SEC23IP: variants seen among roughly 807,000 people sequenced by gnomAD.
SEC23IP encodes the protein SEC23 interacting protein.
Under a neutral mutation model 113.4 loss-of-function variants are expected in SEC23IP, and 70 were observed. That is an observed-to-expected ratio of 0.62 (90% CI 0.51 to 0.75). SEC23IP has a LOEUF of 0.75. Among genes scored for constraint, SEC23IP ranks in the 30% least tolerant of loss-of-function variants. SEC23IP has a pLI of 0.00. For missense variants in SEC23IP, 1,160 were observed against 1,204.9 expected (o/e 0.96, Z 0.55); for synonymous variants, 398 against 421.0 (o/e 0.95, Z 0.67).
At chr10:119,919,412 T>C in intron 10 of SEC23IP, 32 bp from the exon 11 acceptor site, 3 of 1,574,338 alleles carry the variant, frequency 1.9e-6, no homozygotes, top group Non-Finnish European at 2.6e-6. Flanking sequence ...TTTTCTGAGC[T>C]TGTAATGTTT....
intron 15 of SEC23IP, among the ~76,000 whole-genome samples, chr10:119,930,980 CTT>C (rs1855578410): frequency 6.6e-6 from 1 of 152,202 alleles, no homozygotes; most frequent in Admixed American, 6.5e-5. Context: ...ATTACGCACT[CTT>C]ATGTGAAAGT....
At position 119,922,243 on chromosome 10, in the gene SEC23IP, A is replaced by G. The variant is rs566782669; in HGVS notation, c.2121+1259A>G. ...TGGTGCTTGAGCTTGAAGGAGGGGT[A>G]AGGTCAGGGGAGATGGCCTTCTGGA... On this transcript the variant is annotated intron_variant, in intron 12 of 18. Transcript: ENST00000369075. Among the ~76,000 whole-genome samples the G allele has an allele frequency of 3.0e-4, 46 of 152,164 alleles. 1 individual carries two copies. In the South Asian group the frequency reaches 8.9e-3, roughly 30 times the overall value.
At position 119,898,366 on chromosome 10, in the gene SEC23IP, A is replaced by AG; in HGVS notation, c.164-61_164-60insG. 3 of 1,490,698 alleles carry AG rather than the reference A, an allele frequency of 2.0e-6. No individual in the cohort carries two copies. The South Asian group carries it at 4.4e-5, about 22-fold the overall frequency. 92.3% of individuals were successfully genotyped at this position (1,490,698 alleles called of 1,614,324 possible). ...TATAATTGCTAGCCCTTCCTTATAG[A>AG]ATCGTATCTGCGGAGTGATAGAGTA... On this transcript the variant is annotated intron_variant, in intron 1 of 18. Transcript: ENST00000369075.
At chr10:119,905,944 C>G (rs1408948524) in intron 4 of SEC23IP, among the ~76,000 whole-genome samples, 4 of 151,984 alleles carry the variant, frequency 2.6e-5, no homozygotes, top group African/African-American at 9.7e-5. Flanking sequence ...TACCGGTAAA[C>G]TTTATGGAAC....
chr10:119,936,781 G>A (rs899686206), intron 18 of SEC23IP, among the ~76,000 whole-genome samples: 2 of 151,890 alleles, frequency 1.3e-5, no homozygotes, highest in Non-Finnish European at 2.9e-5. Flanking sequence ...CTCTTTGGGT[G>A]TATCTTAACT....
intron 12 of SEC23IP, among the ~76,000 whole-genome samples, chr10:119,923,002 T>TTA (rs1554916947): frequency 6.9e-6 from 1 of 145,348 alleles, no homozygotes; most frequent in Non-Finnish European, 1.5e-5. Context: ...CAAAAGCCTA[T>TTA]AAAAAAAAAA....
chr10:119,906,484 C>T (rs1009949831), intron 4 of SEC23IP, among the ~76,000 whole-genome samples: 6 of 149,014 alleles, frequency 4.0e-5, no homozygotes, highest in Non-Finnish European at 8.9e-5. Flanking sequence ...TCAAGGATAA[C>T]CAAGACCATT....
chr10:119,927,074 A>G lies in SEC23IP; in HGVS notation c.2313+847A>G, dbSNP rs1236461044. On this transcript the variant is annotated intron_variant, in intron 13 of 18. Transcript: ENST00000369075. ...ACCACCACACCTGGCTAATTTTTTC[A>G]TTTTTTGTAGAGACAGTCTTGCTGT... Among the ~76,000 whole-genome samples, 12 of 151,922 alleles carry G rather than the reference A, an allele frequency of 7.9e-5. No homozygotes were observed. In the East Asian group the frequency reaches 1.4e-3, roughly 17 times the overall value.
chr10:119,914,874 C>G, intron 7 of SEC23IP, 55 bp downstream of exon 7: 1 of 1,498,876 alleles, frequency 6.7e-7, no homozygotes. Flanking sequence ...AATAGAAGAG[C>G]TTTGGAGTAT....
intron 18 of SEC23IP, among the ~76,000 whole-genome samples, chr10:119,939,039 G>A (rs1189714419): frequency 6.6e-6 from 1 of 152,086 alleles, no homozygotes; most frequent in African/African-American, 2.4e-5. Context: ...GCCAGGTGTG[G>A]TGGCTTACAC....
At chr10:119,904,680 A>T (rs1319546788) in intron 4 of SEC23IP, 1 of 158,872 alleles carries the variant, frequency 6.3e-6, no homozygotes, top group African/African-American at 2.4e-5. Flanking sequence ...GAGTCTTATT[A>T]GCCATCTTAA....
At chr10:119,901,772 C>T (rs1489830823) in intron 2 of SEC23IP, among the ~76,000 whole-genome samples, 4 of 152,166 alleles carry the variant, frequency 2.6e-5, no homozygotes, top group South Asian at 2.1e-4. Context: ...CTGCAACCTC[C>T]GCCTCCCGGG....
At chr10:119,935,830 C>T (rs1413324190) in intron 18 of SEC23IP, among the ~76,000 whole-genome samples, 1 of 152,152 alleles carries the variant, frequency 6.6e-6, no homozygotes, top group Non-Finnish European at 1.5e-5. Flanking sequence ...ACCCCCTTCA[C>T]GGGTAAAGTA....
At chr10:119,912,909 G>A (rs1854915184) in intron 6 of SEC23IP, among the ~76,000 whole-genome samples, 1 of 152,100 alleles carries the variant, frequency 6.6e-6, no homozygotes, top group Non-Finnish European at 1.5e-5. Flanking sequence ...CCAAAGTGCT[G>A]GGATTATAGG....
intron 8 of SEC23IP, among the ~76,000 whole-genome samples, chr10:119,917,347 G>A (rs1189519625): frequency 7.3e-5 from 11 of 151,254 alleles, no homozygotes; most frequent in Admixed American, 7.3e-4. Context: ...GTACAGGTGT[G>A]TGCCATGACT....
At chr10:119,913,693 T>C (rs1854947800) in intron 6 of SEC23IP, among the ~76,000 whole-genome samples, 1 of 151,612 alleles carries the variant, frequency 6.6e-6, no homozygotes, top group African/African-American at 2.4e-5. Context: ...CGTTTTGCCA[T>C]GTTGGCCAGG....
At chr10:119,906,257 G>A (rs1280917891) in intron 4 of SEC23IP, among the ~76,000 whole-genome samples, 1 of 142,654 alleles carries the variant, frequency 7.0e-6, no homozygotes, top group Non-Finnish European at 1.5e-5. Context: ...ACTTTAGCCT[G>A]GGCAACAGAG....
intron 16 of SEC23IP, among the ~76,000 whole-genome samples, chr10:119,932,592 C>A (rs542505064): frequency 6.6e-6 from 1 of 152,204 alleles, no homozygotes; most frequent in East Asian, 1.9e-4. Flanking sequence ...AGTGGAATAT[C>A]CGAGTTGAGA....
chr10:119,919,592 C>T lies in SEC23IP; in HGVS notation c.2021C>T (p.Ser674Phe), dbSNP rs1855175507. 1 of 1,590,330 alleles carries T rather than the reference C, an allele frequency of 6.3e-7. No homozygotes were observed. Among genetic ancestry groups the T allele is most frequent in the Non-Finnish European group, 8.5e-7 (1 of 1,173,030 alleles). ...TFEKEKIDME[S>F]LLMCTVDDLK... ...GAAAAGGAAAAGATTGATATGGAGT[C>T]CCTGGTACTGATCATAGTTTGCTTC... The change falls in exon 11 of 19, where the codon TCC (serine) becomes TTC (phenylalanine). Residue 674 changes from serine (S) to phenylalanine (F), a missense_variant. Coordinates refer to ENST00000369075, the MANE Select transcript of SEC23IP (RefSeq NM_007190.4).
Sources: gnomAD v4.1 joint callset for allele counts (sites outside exome capture counted in the v4.1 genomes callset) on GRCh38, gnomAD v4.1.1 for gene constraint, MANE v1.5 for transcripts, NCBI Gene and HGNC (gene_info 2026-07-23, HGNC 2026-07-21) for gene names.